The following PCDHA11 variants were observed in gnomAD, a reference collection of about 807,000 sequenced individuals.
PCDHA11 encodes protocadherin alpha-11.
Under a neutral mutation model 70.3 loss-of-function variants are expected in PCDHA11, and 61 were observed. The ratio of observed to expected loss-of-function variants is 0.87; its 90% confidence interval spans 0.71 to 1.07. The LOEUF (loss-of-function observed/expected upper bound fraction) is 1.07. Among genes scored for constraint, PCDHA11 ranks in the 50% least tolerant of loss-of-function variants. The probability of loss-of-function intolerance (pLI) is 0.00; values close to 1 mark genes in which losing one functional copy is unlikely to be tolerated. For missense variants in PCDHA11, 1,324 were observed against 1,237.5 expected (o/e 1.07, Z -1.05); for synonymous variants, 633 against 555.1 (o/e 1.14, Z -1.97).
intron 1 of PCDHA11, among the ~76,000 whole-genome samples, chr5:140,955,559 A>G (rs1220948022): frequency 6.6e-6 from 1 of 152,164 alleles, no homozygotes; most frequent in African/African-American, 2.4e-5. Flanking sequence ...CTCCCCAGCC[A>G]TACTGAACTG....
intron 1 of PCDHA11, chr5:140,875,653 C>T (rs1554167829): frequency 1.2e-6 from 2 of 1,613,682 alleles, no homozygotes; most frequent in East Asian, 2.2e-5. Context: ...GGAGCTGGTG[C>T]CGCGCCTGTT....
At chr5:140,876,394 C>T in intron 1 of PCDHA11, 1 of 1,613,826 alleles carries the variant, frequency 6.2e-7, no homozygotes, top group Non-Finnish European at 8.5e-7. Flanking sequence ...TTATGGTGAA[C>T]TGGATTTTGA....
chr5:140,969,542 C>A, intron 1 of PCDHA11: 1 of 1,279,482 alleles, frequency 7.8e-7, no homozygotes, highest in Non-Finnish European at 1.1e-6. Context: ...TTTTCAGAGG[C>A]ATGAAGCCTT....
chr5:140,869,963 A>G lies in PCDHA11; in HGVS notation c.860A>G (p.Asn287Ser), dbSNP rs782588471. 11 of 1,613,128 alleles carry G rather than the reference A, an allele frequency of 6.8e-6. No homozygotes were observed. Among genetic ancestry groups the G allele is most frequent in the East Asian group, 2.2e-5 (1 of 44,874 alleles). The change falls in exon 1 of 4, where the codon AAT becomes AGT. Residue 287 changes from asparagine to serine, a missense_variant. Physicochemically the swap from Asn to Ser is conservative, Grantham distance 46 (BLOSUM62 1). Coordinates refer to ENST00000398640, the MANE Select transcript of PCDHA11 (RefSeq NM_018902.5). ...VTYSLMSIKP[N>S]GRHLFTLDQN... ...TACTCCTTAATGTCAATTAAGCCCA[A>G]TGGAAGACACTTATTTACACTAGAT...
At position 140,898,329 on chromosome 5, in the gene PCDHA11, C is replaced by T. The variant is rs13158044; in HGVS notation, c.2391+26835C>T. Among the ~76,000 whole-genome samples the T allele has an allele frequency of 3.9e-5, 6 of 152,232 alleles. No homozygotes were observed. The East Asian group carries it at 7.7e-4, about 20-fold the overall frequency. On this transcript the variant is annotated intron_variant, in intron 1 of 3. Transcript: ENST00000398640. ...AGGGTTTTTATGGTTTTGGGTCTAA[C>T]GTTTAAGTCTTTAATCCATCTTGAA...
At chr5:140,985,616 G>C in intron 3 of PCDHA11, among the ~76,000 whole-genome samples, 1 of 152,104 alleles carries the variant, frequency 6.6e-6, no homozygotes, top group African/African-American at 2.4e-5. Flanking sequence ...CCGTGAACCA[G>C]CTGTGTATTG....
intron 3 of PCDHA11, among the ~76,000 whole-genome samples, chr5:140,984,397 G>A (rs1400095442): frequency 1.3e-5 from 2 of 152,112 alleles, no homozygotes; most frequent in African/African-American, 4.8e-5. Context: ...AAAATGTTGA[G>A]AACCTATCTT....
intron 1 of PCDHA11, among the ~76,000 whole-genome samples, chr5:140,889,199 T>C (rs1399579598): frequency 1.3e-5 from 2 of 151,896 alleles, no homozygotes; most frequent in African/African-American, 4.8e-5. Context: ...ATAACTTGAA[T>C]ACTTAACAAA....
At chr5:141,006,882 G>A (rs1442637421) in intron 3 of PCDHA11, among the ~76,000 whole-genome samples, 1 of 152,204 alleles carries the variant, frequency 6.6e-6, no homozygotes, top group Non-Finnish European at 1.5e-5. Flanking sequence ...GGAATCAAGA[G>A]TTTGATTTCA....
chr5:140,882,814 A>AGT, intron 1 of PCDHA11: 3 of 1,614,248 alleles, frequency 1.9e-6, no homozygotes, highest in Non-Finnish European at 2.5e-6. Context: ...CTTTGGACGC[A>AGT]CAAAACAGTC....
chr5:140,891,904 T>A (rs1429453216), intron 1 of PCDHA11, among the ~76,000 whole-genome samples: 3 of 152,212 alleles, frequency 2.0e-5, no homozygotes, highest in Non-Finnish European at 4.4e-5. Flanking sequence ...AAGAAGATCT[T>A]CACCAGATGC....
At chr5:141,006,622 T>C (rs555577523) in intron 3 of PCDHA11, among the ~76,000 whole-genome samples, 21 of 152,132 alleles carry the variant, frequency 1.4e-4, no homozygotes, top group Non-Finnish European at 7.3e-5. Flanking sequence ...AAGGAGACTA[T>C]TGCTGCAATT....
chr5:141,005,499 C>T (rs1399657712), intron 3 of PCDHA11, among the ~76,000 whole-genome samples: 1 of 151,380 alleles, frequency 6.6e-6, no homozygotes, highest in Non-Finnish European at 1.5e-5. Context: ...GTCAGGAGAT[C>T]GAGACCATCC....
At position 140,935,795 on chromosome 5, in the gene PCDHA11, C is replaced by CTT. The variant is rs555560136; in HGVS notation, c.2392-43154_2392-43153insTT. ...GAGTTTTTTCACTTAAAAATATAAA[C>CTT]GAGATTATTTCATAGTAGTATAGTA... On this transcript the variant is annotated intron_variant, in intron 1 of 3. Coordinates refer to ENST00000398640, the MANE Select transcript of PCDHA11 (RefSeq NM_018902.5). 5.4e-3 allele frequency among the ~76,000 whole-genome samples: 824 copies of CTT among 151,876 alleles called. 3 individuals are homozygous for CTT. Among genetic ancestry groups the CTT allele is most frequent in the African/African-American group, 0.019 (793 of 41,436 alleles).
intron 1 of PCDHA11, among the ~76,000 whole-genome samples, chr5:140,946,992 A>T (rs1393633852): frequency 1.3e-5 from 2 of 151,908 alleles, no homozygotes; most frequent in East Asian, 3.9e-4. Context: ...TGAGTGTTCT[A>T]ACTTCAAAGA....
rs782282264 is a variant in PCDHA11, at chr5:141,009,955, A to C, written c.*18A>C. The C allele has an allele frequency of 6.3e-7, 1 of 1,592,536 alleles. No homozygotes were observed. The highest frequency in any genetic ancestry group is 2.2e-5 in the East Asian group (1 of 44,734). ...ACCAGTGAGGTCCTCAAATGGAAAC[A>C]AGCCACTTAGCCAGTTTTTGTAATA... is the stretch of plus-strand genomic sequence containing the variant. On this transcript the variant is annotated 3_prime_UTR_variant, in exon 4 of 4. Coordinates refer to ENST00000398640, the MANE Select transcript of PCDHA11 (RefSeq NM_018902.5).
At chr5:140,935,760 T>C (rs1320272382) in intron 1 of PCDHA11, among the ~76,000 whole-genome samples, 1 of 152,152 alleles carries the variant, frequency 6.6e-6, no homozygotes, top group Non-Finnish European at 1.5e-5. Flanking sequence ...TACACATTCT[T>C]CCCCACTTTG....
At chr5:140,989,620 C>T (rs1197614071) in intron 3 of PCDHA11, among the ~76,000 whole-genome samples, 1 of 152,168 alleles carries the variant, frequency 6.6e-6, no homozygotes, top group African/African-American at 2.4e-5. Context: ...GAAAGTCTGT[C>T]CTAGTGACAG....
intron 1 of PCDHA11, among the ~76,000 whole-genome samples, chr5:140,942,139 A>G (rs1211983428): frequency 6.6e-6 from 1 of 152,248 alleles, no homozygotes; most frequent in African/African-American, 2.4e-5. Flanking sequence ...TTGTGGCTTT[A>G]CTTGACATAA....
Sources: gnomAD v4.1 joint callset for allele counts (sites outside exome capture counted in the v4.1 genomes callset) on GRCh38, gnomAD v4.1.1 for gene constraint, MANE v1.5 for transcripts, NCBI Gene and HGNC (gene_info 2026-07-23, HGNC 2026-07-21) for gene names.